Variants in CTXN2 observed in about 807,000 individuals in gnomAD.
CTXN2 encodes cortexin 2.
A neutral mutation model predicts 5.7 loss-of-function variants in CTXN2; 3 were observed. The observed-to-expected ratio is 0.53, with a 90% CI of 0.24 to 1.36. The LOEUF (loss-of-function observed/expected upper bound fraction) is 1.36, where lower values mean the gene tolerates loss of function less well. Among genes scored for constraint, CTXN2 ranks in the 40% most tolerant of loss-of-function variants. The probability of loss-of-function intolerance (pLI) is 0.17; values close to 1 mark genes in which losing one functional copy is unlikely to be tolerated. For synonymous variants in CTXN2, 38 were observed against 36.4 expected, an observed-to-expected ratio of 1.04 and a Z score of -0.16; for missense variants, 87 against 93.0, an observed-to-expected ratio of 0.94 and a Z score of 0.26.
upstream of CTXN2, among the ~76,000 whole-genome samples, chr15:48,187,809 A>G (rs995143577): frequency 6.6e-6 from 1 of 152,174 alleles, no homozygotes; most frequent in African/African-American, 2.4e-5. Context: ...AACACTTCCA[A>G]TCTCTGAGAT....
At chr15:48,192,013 T>A (rs780720540) in intron 1 of CTXN2, 160 bp downstream of exon 1, 1 of 356,296 alleles carries the variant, frequency 2.8e-6, no homozygotes, top group Non-Finnish European at 5.6e-6. Context: ...AGCCAGTAGG[T>A]CTGATAAGTT....
In CTXN2 at chr15:48,202,215, T is replaced by C. The variant is rs565711545; in HGVS notation, c.*669T>C. 6.0e-6 allele frequency: 1 copy of C among 167,202 alleles called. No homozygotes were observed. The highest frequency in any genetic ancestry group is 2.4e-5 in the African/African-American group (1 of 41,502). 10.4% of individuals were successfully genotyped at this position (167,202 alleles called of 1,614,324 possible). A position where few individuals can be genotyped will look rare whatever the true frequency, so the allele number is the denominator to read the frequency against. ...GATGCTCCCTCCCCTACCCCTTGCA[T>C]AAATAGAATTTAAAAGGGAGTTTCC... On this transcript the variant is annotated 3_prime_UTR_variant, in exon 2 of 2. Transcript: ENST00000417307.
intron 1 of CTXN2, among the ~76,000 whole-genome samples, chr15:48,193,077 GT>G (rs2040839890): frequency 6.6e-6 from 1 of 152,108 alleles, no homozygotes; most frequent in Non-Finnish European, 1.5e-5. Flanking sequence ...GGAAGACTTT[GT>G]TTTTTACTTA....
Position 48,201,396 on chromosome 15 carries a change from T to C in CTXN2, c.96T>C (p.Ala32=). ...SLTLEQKTGF[A]FVGILCIFLG... ...CTCTGGAGCAAAAAACTGGCTTTGC[T>C]TTTGTTGGGATTTTGTGTATCTTCT... is the stretch of plus-strand genomic sequence containing the variant. The change falls in exon 2 of 2, where the codon GCT becomes GCC. Residue 32 remains alanine (A), a synonymous_variant. Coordinates refer to ENST00000417307, the MANE Select transcript of CTXN2 (RefSeq NM_001145668.2). 1.9e-6 allele frequency: 3 copies of C among 1,551,416 alleles called. No individual in the cohort carries two copies. The highest frequency in any genetic ancestry group is 2.6e-6 in the Non-Finnish European group (3 of 1,146,774).
At chr15:48,198,785 T>C (rs1205527983) in intron 1 of CTXN2, among the ~76,000 whole-genome samples, 1 of 152,228 alleles carries the variant, frequency 6.6e-6, no homozygotes, top group Admixed American at 6.5e-5. Context: ...GCTATGATAC[T>C]GTGTCTGTGT....
chr15:48,189,131 G>C (rs1053308741), upstream of CTXN2: 2 of 151,992 alleles, frequency 1.3e-5, no homozygotes, highest in African/African-American at 4.8e-5. Context: ...AAAGGGTCAG[G>C]GTCATGCACC....
At chr15:48,196,712 T>C (rs1044973055) in intron 1 of CTXN2, among the ~76,000 whole-genome samples, 1 of 152,112 alleles carries the variant, frequency 6.6e-6, no homozygotes, top group Non-Finnish European at 1.5e-5. Flanking sequence ...ATTAAACTCA[T>C]GTTAACTTTT....
At chr15:48,200,887 C>G (rs1020773500) in intron 1 of CTXN2, among the ~76,000 whole-genome samples, 1 of 152,070 alleles carries the variant, frequency 6.6e-6, no homozygotes, top group African/African-American at 2.4e-5. Flanking sequence ...TCTACCTACA[C>G]GTGCAAATAT....
intron 1 of CTXN2, among the ~76,000 whole-genome samples, chr15:48,180,672 C>T (rs754581699): frequency 1.3e-5 from 2 of 152,134 alleles, no homozygotes; most frequent in African/African-American, 4.8e-5. Flanking sequence ...CCAGCAGGCC[C>T]GGCTAATTTT....
At chr15:48,199,585 G>A (rs1325750085) in intron 1 of CTXN2, among the ~76,000 whole-genome samples, 2 of 152,060 alleles carry the variant, frequency 1.3e-5, no homozygotes, top group East Asian at 3.9e-4. Context: ...GTGAGTATAT[G>A]GATCTTAACA....
intron 1 of CTXN2, among the ~76,000 whole-genome samples, chr15:48,193,585 C>T (rs1189337098): frequency 6.6e-6 from 1 of 151,582 alleles, no homozygotes; most frequent in Admixed American, 6.6e-5. Context: ...AATGATGCTT[C>T]TCTGGAGCTA....
rs182590178 is a variant in CTXN2 at position 48,201,543 on chromosome 15, G to A, written c.243G>A (p.Ala81=). 84 of 1,550,974 alleles carry A rather than the reference G, an allele frequency of 5.4e-5. No individual in the cohort carries two copies. Among genetic ancestry groups the A allele is most frequent in the East Asian group, 3.4e-4 (14 of 40,908 alleles). ...AAGGGACATTTGAATATGCACTCGC[G>A]TGAGAGTTCCAGCTATATGGTTTTT... The part of the protein sequence containing the change: ...FDKGTFEYAL[A] The change falls in exon 2 of 2, where the codon GCG becomes GCA. Residue 81 remains alanine (A), a synonymous_variant. Coordinates refer to ENST00000417307, the MANE Select transcript of CTXN2 (RefSeq NM_001145668.2).
intron 1 of CTXN2, 125 bp downstream of exon 1, chr15:48,191,978 C>G (rs2140977829): frequency 3.0e-4 from 97 of 323,554 alleles, no homozygotes; most frequent in Admixed American, 4.0e-4. Context: ...AGCAAAAGAG[C>G]GGGGGGTGGG....
intron 1 of CTXN2, among the ~76,000 whole-genome samples, chr15:48,195,248 C>T (rs2140982888): frequency 6.6e-6 from 1 of 151,966 alleles, no homozygotes; most frequent in African/African-American, 2.4e-5. Context: ...CTCCTTGGGC[C>T]CACTACTTTC....
In CTXN2 at chr15:48,203,519, G is replaced by A. The variant is rs2040943865; in HGVS notation, c.*1973G>A. 6.0e-6 allele frequency: 1 copy of A among 166,920 alleles called. No individual in the cohort carries two copies. The highest frequency in any genetic ancestry group is 1.5e-5 in the Non-Finnish European group (1 of 68,120). The allele number at this position is 166,920 out of a possible 1,614,324, so 10.3% of individuals were successfully genotyped here. The stretch of plus-strand genomic sequence containing the variant: ...CTCTTTGTTGACCAAGGCTTTTAAA[G>A]TACCAGATGTTTCATTTGTCTCCCA... On this transcript the variant is annotated 3_prime_UTR_variant, in exon 2 of 2. Coordinates refer to ENST00000417307, the MANE Select transcript of CTXN2 (RefSeq NM_001145668.2).
chr15:48,201,420 C>T lies in CTXN2; in HGVS notation c.120C>T (p.Phe40=), dbSNP rs1247278303. 1 of 1,551,404 alleles carries T rather than the reference C, an allele frequency of 6.4e-7. No individual in the cohort carries two copies. Among genetic ancestry groups the T allele is most frequent in the Non-Finnish European group, 8.7e-7 (1 of 1,146,756 alleles). Residue 40 remains phenylalanine (F), a synonymous_variant, in exon 2 of 2, where the codon TTC becomes TTT. Coordinates refer to ENST00000417307, the MANE Select transcript of CTXN2 (RefSeq NM_001145668.2). ...CTTTTGTTGGGATTTTGTGTATCTT[C>T]TTGGGACTTCTTATTATCCGATGCT... The part of the protein sequence containing the change: ...GFAFVGILCI[F]LGLLIIRCFK...
At chr15:48,199,184 C>A (rs2040906218) in intron 1 of CTXN2, among the ~76,000 whole-genome samples, 1 of 152,092 alleles carries the variant, frequency 6.6e-6, no homozygotes, top group African/African-American at 2.4e-5. Flanking sequence ...ATGGCCACAC[C>A]TTTATACTAT....
chr15:48,194,794 C>T (rs1366782405), intron 1 of CTXN2, among the ~76,000 whole-genome samples: 1 of 152,080 alleles, frequency 6.6e-6, no homozygotes, highest in Non-Finnish European at 1.5e-5. Context: ...TAGAACAAGT[C>T]CATCTGGCTT....
At position 48,193,957 on chromosome 15, in the gene CTXN2, G is replaced by C. The variant is rs569673764; in HGVS notation, c.-58+2104G>C. Among the ~76,000 whole-genome samples the C allele has an allele frequency of 1.3e-4, 20 of 152,082 alleles. 1 individual carries two copies. In the East Asian group the frequency reaches 3.7e-3, roughly 28 times the overall value. ...CTGATATTTCAACTGCTATATATAT[G>C]GTTTAAATTACTAAAACCATCTATT... On this transcript the variant is annotated intron_variant, in intron 1 of 1. Coordinates refer to ENST00000417307, the MANE Select transcript of CTXN2 (RefSeq NM_001145668.2).
Sources: gnomAD v4.1 joint callset for allele counts (sites outside exome capture counted in the v4.1 genomes callset) on GRCh38, gnomAD v4.1.1 for gene constraint, MANE v1.5 for transcripts, NCBI Gene and HGNC (gene_info 2026-07-23, HGNC 2026-07-21) for gene names.